ZSWIM8: variants seen among roughly 807,000 people sequenced by gnomAD.
ZSWIM8 encodes the protein zinc finger SWIM-type containing 8.
In ZSWIM8, 27 loss-of-function variants were observed where a neutral mutation model predicts 173.7. That is an observed-to-expected ratio of 0.16 (90% confidence interval 0.11 to 0.21). The LOEUF is 0.21. ZSWIM8 is among the 10% of genes least tolerant of loss of function. ZSWIM8 has a pLI of 1.00. For missense variants in ZSWIM8, 1,627 were observed against 2,428.8 expected (o/e 0.67, Z 6.94); for synonymous variants, 958 against 962.0 (o/e 1.00, Z 0.08).
intron 15 of ZSWIM8, among the ~76,000 whole-genome samples, chr10:73,795,946 G>C (rs954583653): frequency 7.7e-6 from 1 of 129,686 alleles, no homozygotes; most frequent in Non-Finnish European, 1.6e-5. Flanking sequence ...CTGGGTGACA[G>C]AGCAAGACCC....
At chr10:73,798,170 T>C in intron 19 of ZSWIM8, 60 bp from the exon 20 acceptor site, 1 of 1,599,432 alleles carries the variant, frequency 6.3e-7, no homozygotes. Context: ...AAGACATTAT[T>C]CTCACACCCC....
chr10:73,799,408 C>A lies in ZSWIM8; in HGVS notation c.4583C>A (p.Thr1528Asn). The A allele has an allele frequency of 6.2e-7, 1 of 1,610,554 alleles. No individual in the cohort carries two copies. Among genetic ancestry groups the A allele is most frequent in the East Asian group, 2.2e-5 (1 of 44,678 alleles). The part of the protein sequence containing the change: ...PHLPCSPQYL[T>N]HPAHPAHPMP... The stretch of plus-strand genomic sequence containing the variant: ...CTGCCCTGTAGCCCTCAGTATCTCA[C>A]TCACCCAGCTCACCCTGCCCACCCC... Residue 1528 changes from threonine to asparagine, a missense_variant, in exon 21 of 26, where the codon ACT (threonine) becomes AAT (asparagine). Coordinates refer to ENST00000604729, the MANE Select transcript of ZSWIM8 (RefSeq NM_001367799.1).
rs889501336 is a variant in ZSWIM8, at chr10:73,800,628, T to C, written c.5003-12T>C. 1.2e-6 allele frequency: 2 copies of C among 1,613,032 alleles called. No homozygotes were observed. The highest frequency in any genetic ancestry group is 8.5e-7 in the Non-Finnish European group (1 of 1,179,454). On this transcript the variant is annotated splice_polypyrimidine_tract_variant and intron_variant, in intron 23 of 25. Coordinates refer to ENST00000604729, the MANE Select transcript of ZSWIM8 (RefSeq NM_001367799.1). The surrounding 1 kb of genome is among the most constrained non-coding windows in gnomAD (Gnocchi z 4.1). The stretch of plus-strand genomic sequence containing the variant: ...ACACCGTACCATGTGCCCACCCTTA[T>C]CTATCTCCCAGGAATGCTGGCACTG...
intron 7 of ZSWIM8, 44 bp from the exon 8 acceptor site, chr10:73,790,931 G>T (rs1356308661): frequency 2.1e-5 from 33 of 1,547,330 alleles, no homozygotes; most frequent in Non-Finnish European, 2.5e-5. Flanking sequence ...GTTTCATTCA[G>T]CCCCGTCTTA....
At chr10:73,786,326 G>T (rs2083218803) in intron 1 of ZSWIM8, 1 of 465,610 alleles carries the variant, frequency 2.1e-6, no homozygotes, top group Admixed American at 4.1e-5. Flanking sequence ...GTGTGTGTGT[G>T]GGTGTGTGTG....
Position 73,800,925 on chromosome 10 carries a change from G to C in ZSWIM8, c.5123-92G>C, listed in dbSNP as rs2083925626. ...ACCTCAGCTCCTGGGGTGGAGGGAG[G>C]CTCTCTGCCAGGCCAGAGCTGAGAT... On this transcript the variant is annotated intron_variant, in intron 24 of 25. Transcript: ENST00000604729. The surrounding 1 kb of genome is among the most constrained non-coding windows in gnomAD (Gnocchi z 4.1). 7 of 1,350,926 alleles carry C rather than the reference G, an allele frequency of 5.2e-6. No homozygotes were observed. In the Admixed American group the frequency reaches 6.7e-5, roughly 13 times the overall value. The allele number at this position is 1,350,926 out of a possible 1,614,324, so 83.7% of individuals were successfully genotyped here. A position where few individuals can be genotyped will look rare whatever the true frequency, so the allele number is the denominator to read the frequency against.
rs1378430544 is a variant in ZSWIM8, at chr10:73,785,739, C to T, written c.-140C>T. The T allele has an allele frequency of 1.1e-6, 1 of 873,786 alleles. No homozygotes were observed. The highest frequency in any genetic ancestry group is 1.8e-6 in the Non-Finnish European group (1 of 556,104). The allele number at this position is 873,786 out of a possible 1,614,324, so 54.1% of individuals were successfully genotyped here. On this transcript the variant is annotated 5_prime_UTR_variant, in exon 1 of 26. Coordinates refer to ENST00000604729, the MANE Select transcript of ZSWIM8 (RefSeq NM_001367799.1). ...TCTTTCCCAGGCCTGAGATTCTCGC[C>T]CGGCACGGCCGCCCTGAGCGCCCCG...
Position 73,792,157 on chromosome 10 carries a change from G to C in ZSWIM8, c.1618G>C (p.Val540Leu). 1 of 1,529,702 alleles carries C rather than the reference G, an allele frequency of 6.5e-7. No individual in the cohort carries two copies. Among genetic ancestry groups the C allele is most frequent in the South Asian group, 1.3e-5 (1 of 77,652 alleles). The allele number at this position is 1,529,702 out of a possible 1,614,324, so 94.8% of individuals were successfully genotyped here. The change falls in exon 10 of 26, where the codon GTG becomes CTG. Residue 540 changes from valine (V) to leucine (L), a missense_variant. Around this residue, in one of 18 missense-constraint regions of ZSWIM8, gnomAD observed 383 missense variants for 394.8 expected, o/e 0.97. Coordinates refer to ENST00000604729, the MANE Select transcript of ZSWIM8 (RefSeq NM_001367799.1). This position sits in a 1 kb window ranked among gnomAD's most constrained non-coding sequence, Gnocchi z 4.3. ...RPRPLPTEPA[V>L]RPKEPGTKRK... ...CCGACCCCTTCCTACTGAGCCAGCT[G>C]TGCGGCCCAAGGAGCCTGGGACCAA...
chr10:73,797,308 A>G lies in ZSWIM8; in HGVS notation c.3433+37A>G. On this transcript the variant is annotated intron_variant, in intron 17 of 25. Coordinates refer to ENST00000604729, the MANE Select transcript of ZSWIM8 (RefSeq NM_001367799.1). The surrounding 1 kb of genome is among the most constrained non-coding windows in gnomAD (Gnocchi z 5.6). ...TGTGGGCTAGCATAGAGGGAAGGATAATCCTGAAGGTTGGAGTCTTAACAT... is the reference window on the plus strand; with the variant it reads ...TGTGGGCTAGCATAGAGGGAAGGATGATCCTGAAGGTTGGAGTCTTAACAT... The G allele has an allele frequency of 1.2e-6, 2 of 1,613,284 alleles. No individual in the cohort carries two copies. Among genetic ancestry groups the G allele is most frequent in the Non-Finnish European group, 1.7e-6 (2 of 1,179,408 alleles).
Position 73,797,811 on chromosome 10 carries a change from C to T in ZSWIM8, c.3693C>T (p.Ala1231=), listed in dbSNP as rs765252694. 2 of 1,613,630 alleles carry T rather than the reference C, an allele frequency of 1.2e-6. No homozygotes were observed. The highest frequency in any genetic ancestry group is 1.1e-5 in the South Asian group (1 of 91,044). Residue 1231 remains alanine, a synonymous_variant, in exon 19 of 26, where the codon GCC becomes GCT. Coordinates refer to ENST00000604729, the MANE Select transcript of ZSWIM8 (RefSeq NM_001367799.1). The surrounding 1 kb of genome is among the most constrained non-coding windows in gnomAD (Gnocchi z 5.6). ...RYKGRRPESH[A]PHVPNQPSEA... ...AGGGCCGCCGCCCCGAGAGTCATGC[C>T]CCTCATGTACCCAATCAGCCATCAG...
At position 73,791,481 on chromosome 10, in the gene ZSWIM8, C is replaced by A; in HGVS notation, c.1301C>A (p.Pro434His). Reference protein sequence around the residue: ...VTLWRLAVLDPALSPQRRREL... With the variant: ...VTLWRLAVLDHALSPQRRREL... ...CTGTGGAGGCTGGCCGTGCTGGACC[C>A]TGCACTCAGCCCCCAGCGGTGAGTC... is the stretch of plus-strand genomic sequence containing the variant. Residue 434 changes from proline to histidine, a missense_variant, in exon 9 of 26, where the codon CCT becomes CAT. Transcript: ENST00000604729. This position sits in a 1 kb window ranked among gnomAD's most constrained non-coding sequence, Gnocchi z 6.0. 1 of 1,605,272 alleles carries A rather than the reference C, an allele frequency of 6.2e-7. No individual in the cohort carries two copies.
chr10:73,792,973 C>T lies in ZSWIM8; in HGVS notation c.2313+121C>T, dbSNP rs1042937000. On this transcript the variant is annotated intron_variant, in intron 10 of 25. Transcript: ENST00000604729. This position sits in a 1 kb window ranked among gnomAD's most constrained non-coding sequence, Gnocchi z 4.3. The stretch of plus-strand genomic sequence containing the variant: ...ATTGTGAGAACCCTGTTGCAGGCGC[C>T]GAACTGGTCTCCCTGCTTTCAGTCT... 27 of 1,211,692 alleles carry T rather than the reference C, an allele frequency of 2.2e-5. No individual in the cohort carries two copies. The highest frequency in any genetic ancestry group is 2.0e-4 in the Admixed American group (8 of 40,056). 75.1% of individuals were successfully genotyped at this position (1,211,692 alleles called of 1,614,324 possible). A position where few individuals can be genotyped will look rare whatever the true frequency, so the allele number is the denominator to read the frequency against.
At chr10:73,793,449 C>G (rs2083493705) in intron 10 of ZSWIM8, 139 bp from the exon 11 acceptor site, 5 of 921,552 alleles carry the variant, frequency 5.4e-6, no homozygotes, top group Non-Finnish European at 7.9e-6. Context: ...GTCTGTCTTT[C>G]TAACCAGAGC....
chr10:73,800,891 C>T lies in ZSWIM8; in HGVS notation c.5123-126C>T, dbSNP rs537530036. 671 of 1,207,236 alleles carry T rather than the reference C, an allele frequency of 5.6e-4. No individual in the cohort carries two copies. Among genetic ancestry groups the T allele is most frequent in the Non-Finnish European group, 7.2e-4 (625 of 862,190 alleles). 74.8% of individuals were successfully genotyped at this position (1,207,236 alleles called of 1,614,324 possible). A position where few individuals can be genotyped will look rare whatever the true frequency, so the allele number is the denominator to read the frequency against. On this transcript the variant is annotated intron_variant, in intron 24 of 25. Coordinates refer to ENST00000604729, the MANE Select transcript of ZSWIM8 (RefSeq NM_001367799.1). This position sits in a 1 kb window ranked among gnomAD's most constrained non-coding sequence, Gnocchi z 4.1. ...CGGGTATGTGTGCGTGCGCGGGGGG[C>T]GGAGGGTTACCTCAGCTCCTGGGGT...
Position 73,801,274 on chromosome 10 carries a change from G to A in ZSWIM8, c.5302-42G>A. 6.2e-7 allele frequency: 1 copy of A among 1,607,500 alleles called. No homozygotes were observed. The highest frequency in any genetic ancestry group is 8.5e-7 in the Non-Finnish European group (1 of 1,175,204). ...CCAGAGGGAGGCAGGGCCTGTTTCT[G>A]TGCTTTGTACTAAGGCTCATCCTGC... On this transcript the variant is annotated intron_variant, in intron 25 of 25. Coordinates refer to ENST00000604729, the MANE Select transcript of ZSWIM8 (RefSeq NM_001367799.1). The surrounding 1 kb of genome is among the most constrained non-coding windows in gnomAD (Gnocchi z 4.9).
At position 73,800,696 on chromosome 10, in the gene ZSWIM8, T is replaced by A. The variant is rs2083905129; in HGVS notation, c.5059T>A (p.Phe1687Ile). The change falls in exon 24 of 26, where the codon TTC becomes ATC. Residue 1687 changes from phenylalanine (F) to isoleucine (I), a missense_variant. Transcript: ENST00000604729. The surrounding 1 kb of genome is among the most constrained non-coding windows in gnomAD (Gnocchi z 4.1). ...GGCACACAACGATCACCCCAACAAC[T>A]TCTCCCGCTCCCCCCCCTACACTGA... ...RRAHNDHPNN[F>I]SRSPPYTDDV... 1 of 1,613,596 alleles carries A rather than the reference T, an allele frequency of 6.2e-7. No homozygotes were observed. Among genetic ancestry groups the A allele is most frequent in the African/African-American group, 1.3e-5 (1 of 74,904 alleles).
Position 73,800,791 on chromosome 10 carries a change from CCCCCCCACCTGCT to C in ZSWIM8, c.5122+34_5122+46del. ...CCTCCCCTCCCTAGGACCATTGCCCCCCCCCCACCTGCTCTCCCCACCTTCCTTATCCCAGACC... is the reference window on the plus strand; with the variant it reads ...CCTCCCCTCCCTAGGACCATTGCCCCCTCCCCACCTTCCTTATCCCAGACC... On this transcript the variant is annotated intron_variant, in intron 24 of 25. Transcript: ENST00000604729. The surrounding 1 kb of genome is among the most constrained non-coding windows in gnomAD (Gnocchi z 4.1). The C allele has an allele frequency of 6.7e-7, 1 of 1,492,698 alleles. No homozygotes were observed. Among genetic ancestry groups the C allele is most frequent in the Non-Finnish European group, 9.1e-7 (1 of 1,096,278 alleles). 92.5% of individuals were successfully genotyped at this position (1,492,698 alleles called of 1,614,324 possible).
Position 73,785,835 on chromosome 10 carries a change from C to A in ZSWIM8, c.-44C>A. 1 of 1,468,364 alleles carries A rather than the reference C, an allele frequency of 6.8e-7. No individual in the cohort carries two copies. The highest frequency in any genetic ancestry group is 9.0e-7 in the Non-Finnish European group (1 of 1,107,766). 91.0% of individuals were successfully genotyped at this position (1,468,364 alleles called of 1,614,324 possible). A position where few individuals can be genotyped will look rare whatever the true frequency, so the allele number is the denominator to read the frequency against. ...CAACCCCCGGCCGGCGGCCCAGGCCCCGGATCCGCGGGGGGGGACCCGGCC... is the reference window on the plus strand; with the variant it reads ...CAACCCCCGGCCGGCGGCCCAGGCCACGGATCCGCGGGGGGGGACCCGGCC... On this transcript the variant is annotated 5_prime_UTR_variant, in exon 1 of 26. Transcript: ENST00000604729.
chr10:73,801,731 G>T lies in ZSWIM8; in HGVS notation c.*212G>T, dbSNP rs1362892748. The T allele has an allele frequency of 6.5e-7, 1 of 1,528,916 alleles. No homozygotes were observed. Among genetic ancestry groups the T allele is most frequent in the African/African-American group, 1.4e-5 (1 of 73,006 alleles). The allele number at this position is 1,528,916 out of a possible 1,614,324, so 94.7% of individuals were successfully genotyped here. ...GGGAGACAGCCCTGTCTGGGAGGGG[G>T]CGTTGGGTGGCCTCTGGTATTTATT... On this transcript the variant is annotated 3_prime_UTR_variant, in exon 26 of 26. Coordinates refer to ENST00000604729, the MANE Select transcript of ZSWIM8 (RefSeq NM_001367799.1). The surrounding 1 kb of genome is among the most constrained non-coding windows in gnomAD (Gnocchi z 4.9).
Sources: allele counts gnomAD v4.1 joint callset (sites outside exome capture counted in the v4.1 genomes callset), GRCh38; gene constraint gnomAD v4.1.1; regional missense constraint gnomAD v4.1.1; non-coding constraint Gnocchi (gnomAD v3.1); transcripts MANE v1.5; gene names NCBI Gene and HGNC (gene_info 2026-07-23, HGNC 2026-07-21).